The following NTRK3 variants were observed in gnomAD, a reference collection of about 807,000 sequenced individuals.
NTRK3 encodes NT-3 growth factor receptor.
A neutral mutation model predicts 91.7 loss-of-function variants in NTRK3; 24 were observed. That is an observed-to-expected ratio of 0.26 (90% CI 0.19 to 0.37). The LOEUF (loss-of-function observed/expected upper bound fraction) is 0.37, where lower values mean the gene tolerates loss of function less well. NTRK3 is among the 10% of genes least tolerant of loss of function. NTRK3 has a pLI of 1.00. For missense variants in NTRK3, 880 were observed against 1,068.9 expected, an observed-to-expected ratio of 0.82 and a Z score of 2.46; for synonymous variants, 483 against 404.0, an observed-to-expected ratio of 1.20 and a Z score of -2.34.
intron 14 of NTRK3, among the ~76,000 whole-genome samples, chr15:88,020,416 G>A (rs1411546271): frequency 6.6e-6 from 1 of 152,094 alleles, no homozygotes; most frequent in East Asian, 1.9e-4. Flanking sequence ...ATAAAATGCT[G>A]CTTCTTAGAG....
intron 4 of NTRK3, 145 bp downstream of exon 4, chr15:88,184,080 T>G: frequency 1.3e-6 from 1 of 775,528 alleles, no homozygotes; most frequent in South Asian, 1.5e-5. Flanking sequence ...CCTAAGTGCA[T>G]ATTGCCAACT....
chr15:88,019,934 AAG>A (rs758097358), intron 14 of NTRK3, among the ~76,000 whole-genome samples: 3 of 152,204 alleles, frequency 2.0e-5, no homozygotes, highest in Non-Finnish European at 4.4e-5. Context: ...GAATATGAAC[AAG>A]ACTCAGACAT....
chr15:87,870,969 C>T, exon 19 of NTRK3: 1 of 231,410 alleles, frequency 4.3e-6, no homozygotes, highest in African/African-American at 2.2e-5. Context: ...CCCTGCCTCC[C>T]TATGATGAAA....
chr15:88,246,232 G>A (rs539337234), intron 3 of NTRK3, among the ~76,000 whole-genome samples: 3 of 152,358 alleles, frequency 2.0e-5, no homozygotes, highest in Admixed American at 2.0e-4. Flanking sequence ...ACTCTCAGAA[G>A]CACTGTCAAA....
At chr15:87,942,575 G>C (rs534783881) in intron 14 of NTRK3, among the ~76,000 whole-genome samples, 2 of 152,246 alleles carry the variant, frequency 1.3e-5, no homozygotes, top group South Asian at 4.1e-4. Flanking sequence ...GTGAAGACAG[G>C]GCTCACGATG....
intron 13 of NTRK3, among the ~76,000 whole-genome samples, chr15:88,088,468 G>A (rs150170712): frequency 6.6e-6 from 1 of 152,208 alleles, no homozygotes; most frequent in East Asian, 1.9e-4. Flanking sequence ...GCATGGGAAT[G>A]GTAATAATAT....
chr15:88,102,932 A>G (rs1031452274), intron 13 of NTRK3, among the ~76,000 whole-genome samples: 2 of 152,232 alleles, frequency 1.3e-5, no homozygotes, highest in Non-Finnish European at 2.9e-5. Flanking sequence ...TCCCTGCCAT[A>G]TGACTCACAG....
intron 14 of NTRK3, among the ~76,000 whole-genome samples, chr15:87,945,243 T>C (rs894946562): frequency 6.6e-6 from 1 of 152,262 alleles, no homozygotes; most frequent in East Asian, 1.9e-4. Context: ...TTTTCCCTAA[T>C]TCCTTTTTGT....
At chr15:88,173,196 C>A (rs1394262641) in intron 5 of NTRK3, among the ~76,000 whole-genome samples, 1 of 152,126 alleles carries the variant, frequency 6.6e-6, no homozygotes, top group African/African-American at 2.4e-5. Context: ...CCCAGGCACA[C>A]CTACAGAAAT....
At chr15:87,934,635 G>T (rs2069108941) in intron 15 of NTRK3, among the ~76,000 whole-genome samples, 1 of 152,154 alleles carries the variant, frequency 6.6e-6, no homozygotes, top group African/African-American at 2.4e-5. Flanking sequence ...CACCAGAAAT[G>T]ATGGACTTTT....
At chr15:88,256,702 G>C in exon 1 of NTRK3, 1 of 381,266 alleles carries the variant, frequency 2.6e-6, no homozygotes, top group East Asian at 3.8e-5. Context: ...CAGCCGCCGC[G>C]AATGGCTCGC....
chr15:88,220,919 A>T (rs2050181488), intron 3 of NTRK3, among the ~76,000 whole-genome samples: 1 of 152,172 alleles, frequency 6.6e-6, no homozygotes, highest in Admixed American at 6.5e-5. Context: ...CCTCCAGGGG[A>T]TACGTCTCAA....
intron 13 of NTRK3, among the ~76,000 whole-genome samples, chr15:88,073,708 A>G (rs1369795205): frequency 2.0e-5 from 3 of 152,180 alleles, no homozygotes; most frequent in Admixed American, 2.0e-4. Flanking sequence ...CTGAAGGACA[A>G]AGAGAGAAGA....
intron 14 of NTRK3, among the ~76,000 whole-genome samples, chr15:87,962,375 A>C (rs1255150867): frequency 1.3e-5 from 2 of 152,114 alleles, no homozygotes; most frequent in African/African-American, 2.4e-5. Flanking sequence ...GGCCCCATCC[A>C]TGCTCACCCC....
chr15:88,214,661 GA>G (rs60980840), intron 3 of NTRK3, among the ~76,000 whole-genome samples: 107,906 of 133,046 alleles, frequency 0.81, 43,487 homozygotes, highest in East Asian at 0.9. Context: ...AAATAAAGCA[GA>G]AAAAAAAAAA....
intron 5 of NTRK3, 108 bp downstream of exon 5, chr15:88,183,310 A>G: frequency 1.8e-6 from 2 of 1,093,658 alleles, no homozygotes; most frequent in Non-Finnish European, 2.8e-6. Context: ...AACCTTGCCC[A>G]AGAGCCCCTG....
intron 17 of NTRK3, among the ~76,000 whole-genome samples, chr15:87,919,695 C>T (rs1007284350): frequency 6.6e-6 from 1 of 152,166 alleles, no homozygotes; most frequent in Non-Finnish European, 1.5e-5. Context: ...CAGGGTGAAT[C>T]TTGGACAATT....
chr15:87,993,998 A>C (rs551448565), intron 14 of NTRK3, among the ~76,000 whole-genome samples: 1 of 152,360 alleles, frequency 6.6e-6, no homozygotes, highest in East Asian at 1.9e-4. Context: ...AGAGCATGGG[A>C]AGTTTAGTCA....
chr15:87,885,826 G>A, intron 17 of NTRK3, 91 bp from the exon 18 acceptor site: 1 of 477,078 alleles, frequency 2.1e-6, no homozygotes. Context: ...TCCTAAATAA[G>A]ACACATGTTC....
Sources: allele counts gnomAD v4.1 joint callset (sites outside exome capture counted in the v4.1 genomes callset), GRCh38; gene constraint gnomAD v4.1.1; transcripts MANE v1.5; gene names NCBI Gene and HGNC (gene_info 2026-07-23, HGNC 2026-07-21).